Variants in ATRNL1 observed in about 807,000 individuals in gnomAD.
ATRNL1 encodes the protein attractin-like protein 1.
ATRNL1 carries 95 observed loss-of-function variants against 182.7 expected under a neutral mutation model. The observed-to-expected ratio is 0.52, with a 90% CI of 0.44 to 0.62. ATRNL1 has a LOEUF of 0.62. ATRNL1 is among the 20% of genes least tolerant of loss of function. The pLI is 0.00. For synonymous variants in ATRNL1, 576 were observed against 568.3 expected (o/e 1.01, Z -0.19); for missense variants, 1,471 against 1,679.5 (o/e 0.88, Z 2.17).
Position 115,880,593 on chromosome 10 carries a change from C to A in ATRNL1, c.4018+32602C>A, listed in dbSNP as rs546002129. On this transcript the variant is annotated intron_variant, in intron 28 of 28. Transcript: ENST00000355044. ...GAGCCAAGATCTCACCACTGCACTC[C>A]AGCCTGGGCAACAGAGTGAGACTCC... Among the ~76,000 whole-genome samples, 3 of 152,272 alleles carry A rather than the reference C, an allele frequency of 2.0e-5. No homozygotes were observed. In the East Asian group the frequency reaches 5.8e-4, roughly 29 times the overall value.
chr10:115,442,370 T>C (rs1350795337), intron 21 of ATRNL1, among the ~76,000 whole-genome samples: 1 of 151,392 alleles, frequency 6.6e-6, no homozygotes, highest in African/African-American at 2.4e-5. Flanking sequence ...ACTTTTTCAC[T>C]GATTGTTTAC....
intron 27 of ATRNL1, among the ~76,000 whole-genome samples, chr10:115,757,822 C>T (rs1335869967): frequency 3.3e-5 from 5 of 152,048 alleles, no homozygotes; most frequent in African/African-American, 9.7e-5. Flanking sequence ...TGGTCCTTTT[C>T]ACATAGTCCC....
intron 5 of ATRNL1, among the ~76,000 whole-genome samples, chr10:115,131,290 A>G (rs1554875104): frequency 6.6e-6 from 1 of 152,116 alleles, no homozygotes; most frequent in Non-Finnish European, 1.5e-5. Context: ...TATATGGAGA[A>G]TAGTGTGAAA....
At chr10:115,289,008 C>T (rs1230165804) in intron 15 of ATRNL1, among the ~76,000 whole-genome samples, 6 of 151,984 alleles carry the variant, frequency 3.9e-5, no homozygotes, top group Non-Finnish European at 7.4e-5. Flanking sequence ...AAGACATATC[C>T]GAGACTGGGG....
chr10:115,335,377 A>T (rs948524778), intron 19 of ATRNL1, among the ~76,000 whole-genome samples: 1 of 152,178 alleles, frequency 6.6e-6, no homozygotes, highest in African/African-American at 2.4e-5. Flanking sequence ...CACTAGCTGC[A>T]TATTAGAACC....
At chr10:115,589,466 A>C (rs1350277474) in intron 26 of ATRNL1, among the ~76,000 whole-genome samples, 1 of 152,126 alleles carries the variant, frequency 6.6e-6, no homozygotes, top group Non-Finnish European at 1.5e-5. Context: ...TTGTTATAGG[A>C]ACTATATTTC....
intron 15 of ATRNL1, among the ~76,000 whole-genome samples, chr10:115,289,587 A>G (rs907741136): frequency 1.3e-5 from 2 of 152,000 alleles, no homozygotes. Context: ...GGTCTAGTTT[A>G]ATTCTAATGC....
intron 27 of ATRNL1, among the ~76,000 whole-genome samples, chr10:115,733,662 TC>T (rs1947865573): frequency 6.6e-6 from 1 of 152,208 alleles, no homozygotes; most frequent in South Asian, 2.1e-4. Flanking sequence ...CCCTGGTTCC[TC>T]ATTCCTGTCC....
intron 19 of ATRNL1, among the ~76,000 whole-genome samples, chr10:115,374,737 G>C (rs1857582499): frequency 6.6e-6 from 1 of 151,612 alleles, no homozygotes; most frequent in East Asian, 1.9e-4. Context: ...TATTCTTTTT[G>C]TTTAGGAACA....
chr10:115,834,661 G>T (rs961802580), intron 27 of ATRNL1, among the ~76,000 whole-genome samples: 1 of 152,160 alleles, frequency 6.6e-6, no homozygotes, highest in Non-Finnish European at 1.5e-5. Flanking sequence ...ATCTGTATTA[G>T]CAAAGCATCT....
intron 10 of ATRNL1, among the ~76,000 whole-genome samples, chr10:115,245,499 CAAAAA>C (rs35541977): frequency 3.2e-4 from 23 of 72,876 alleles, no homozygotes; most frequent in African/African-American, 1.3e-3. Context: ...CACTCCGTCT[CAAAAA>C]AAAAAAAAAA....
chr10:115,451,313 C>A (rs1554967588), intron 21 of ATRNL1, among the ~76,000 whole-genome samples: 1 of 152,090 alleles, frequency 6.6e-6, no homozygotes, highest in Non-Finnish European at 1.5e-5. Flanking sequence ...AAACTATCAA[C>A]AGAAACTATC....
chr10:115,933,439 C>G (rs1258502327), intron 28 of ATRNL1, among the ~76,000 whole-genome samples: 1 of 152,192 alleles, frequency 6.6e-6, no homozygotes, highest in Non-Finnish European at 1.5e-5. Context: ...GTCCTTGAGC[C>G]CATCCAGTCC....
chr10:115,646,798 AT>A (rs1215496222), intron 26 of ATRNL1, among the ~76,000 whole-genome samples: 6 of 151,712 alleles, frequency 4.0e-5, no homozygotes, highest in African/African-American at 1.2e-4. Context: ...GCATGTATGA[AT>A]TTTTTTTATT....
chr10:115,756,785 G>A (rs1470636201), intron 27 of ATRNL1, among the ~76,000 whole-genome samples: 1 of 152,068 alleles, frequency 6.6e-6, no homozygotes, highest in Non-Finnish European at 1.5e-5. Context: ...CACTATTATT[G>A]TGTGGGAGTC....
At chr10:115,348,514 A>G (rs993587139) in intron 19 of ATRNL1, among the ~76,000 whole-genome samples, 6 of 152,146 alleles carry the variant, frequency 3.9e-5, no homozygotes, top group African/African-American at 1.4e-4. Flanking sequence ...TATTTTTGTC[A>G]TATTATTTCC....
chr10:115,627,347 T>A (rs1251457824), intron 26 of ATRNL1, among the ~76,000 whole-genome samples: 1 of 152,174 alleles, frequency 6.6e-6, no homozygotes, highest in African/African-American at 2.4e-5. Flanking sequence ...TGAAGTTTAT[T>A]CAGATTATGT....
At chr10:115,717,698 T>A (rs1379377028) in intron 26 of ATRNL1, among the ~76,000 whole-genome samples, 1 of 151,810 alleles carries the variant, frequency 6.6e-6, no homozygotes, top group African/African-American at 2.4e-5. Flanking sequence ...ACTACAGGCG[T>A]GTGCCACTAC....
intron 7 of ATRNL1, among the ~76,000 whole-genome samples, chr10:115,167,781 C>A (rs1397265406): frequency 2.0e-5 from 3 of 151,810 alleles, no homozygotes; most frequent in Non-Finnish European, 4.4e-5. Context: ...TCTTTATTTC[C>A]CTTTTTGTAA....
Sources: allele counts gnomAD v4.1 joint callset (sites outside exome capture counted in the v4.1 genomes callset), GRCh38; gene constraint gnomAD v4.1.1; transcripts MANE v1.5; gene names NCBI Gene and HGNC (gene_info 2026-07-23, HGNC 2026-07-21).